Variants in ACAP2 observed in about 807,000 individuals in gnomAD.
ACAP2 encodes ArfGAP with coiled-coil, ankyrin repeat and PH domains 2.
Under a neutral mutation model 115.8 loss-of-function variants are expected in ACAP2, and 39 were observed. The observed-to-expected ratio is 0.34, with a 90% confidence interval of 0.26 to 0.44. ACAP2 has a LOEUF of 0.44. Ranked by LOEUF, ACAP2 falls within the 20% of genes least tolerant of loss-of-function variation. The probability of loss-of-function intolerance (pLI) is 1.00; values close to 1 mark genes in which losing one functional copy is unlikely to be tolerated. For missense variants in ACAP2, 662 were observed against 927.6 expected (o/e 0.71, Z 3.72); for synonymous variants, 289 against 315.8 (o/e 0.92, Z 0.90).
At chr3:195,306,019 C>T (rs113958621) in intron 13 of ACAP2, among the ~76,000 whole-genome samples, 233 of 152,056 alleles carry the variant, frequency 1.5e-3, no homozygotes, top group African/African-American at 5.4e-3. Context: ...TTCTCAGGAC[C>T]CATTTACTCA....
chr3:195,284,620 C>T (rs891352776), intron 22 of ACAP2, among the ~76,000 whole-genome samples: 2 of 152,094 alleles, frequency 1.3e-5, no homozygotes, highest in Non-Finnish European at 2.9e-5. Context: ...AAAGAACGGC[C>T]TCACATTAAC....
intron 22 of ACAP2, among the ~76,000 whole-genome samples, chr3:195,280,364 C>T (rs1007801938): frequency 1.3e-5 from 2 of 151,892 alleles, no homozygotes; most frequent in African/African-American, 4.8e-5. Flanking sequence ...CCCAGCTACT[C>T]GGGAGGCTGA....
intron 4 of ACAP2, among the ~76,000 whole-genome samples, chr3:195,365,556 G>A (rs960319542): frequency 6.6e-6 from 1 of 151,456 alleles, no homozygotes; most frequent in South Asian, 2.1e-4. Flanking sequence ...GACAAAGGGA[G>A]ACCTTGTCTC....
At chr3:195,387,517 T>C (rs936186411) in intron 2 of ACAP2, among the ~76,000 whole-genome samples, 48 of 152,118 alleles carry the variant, frequency 3.2e-4, no homozygotes, top group Non-Finnish European at 7.4e-5. Flanking sequence ...ACAAAACAAA[T>C]GAGGGTTTTT....
chr3:195,390,243 T>C (rs1244984547), intron 2 of ACAP2, among the ~76,000 whole-genome samples: 1 of 152,118 alleles, frequency 6.6e-6, no homozygotes, highest in Non-Finnish European at 1.5e-5. Flanking sequence ...CCTCTTCTAC[T>C]TTGTGATTTG....
At chr3:195,355,600 A>C (rs188036976) in intron 4 of ACAP2, among the ~76,000 whole-genome samples, 64 of 152,346 alleles carry the variant, frequency 4.2e-4, no homozygotes, top group African/African-American at 1.5e-3. Context: ...ACAAAAGTGC[A>C]TAGAATAATA....
chr3:195,362,788 G>T (rs1328350122), intron 4 of ACAP2, among the ~76,000 whole-genome samples: 3 of 151,996 alleles, frequency 2.0e-5, no homozygotes, highest in African/African-American at 7.3e-5. Context: ...CAAAAAACTG[G>T]GTATAGAAGA....
intron 4 of ACAP2, among the ~76,000 whole-genome samples, chr3:195,379,952 T>C (rs1733837451): frequency 6.6e-6 from 1 of 152,180 alleles, no homozygotes; most frequent in Non-Finnish European, 1.5e-5. Context: ...TCACACCTAC[T>C]AGGATGGTTA....
intron 9 of ACAP2, among the ~76,000 whole-genome samples, chr3:195,322,571 G>C (rs2108605718): frequency 6.6e-6 from 1 of 152,160 alleles, no homozygotes; most frequent in South Asian, 2.1e-4. Context: ...TAAACAAATT[G>C]CTACATTGCT....
At chr3:195,302,231 T>C in intron 13 of ACAP2, 57 bp from the exon 14 acceptor site, 1 of 1,476,416 alleles carries the variant, frequency 6.8e-7, no homozygotes, top group Non-Finnish European at 9.3e-7. Flanking sequence ...AATACTTTGT[T>C]GCACACTACA....
chr3:195,358,737 C>A (rs932163542), intron 4 of ACAP2, among the ~76,000 whole-genome samples: 2 of 151,650 alleles, frequency 1.3e-5, no homozygotes, highest in Non-Finnish European at 2.9e-5. Flanking sequence ...GCCTCAATAG[C>A]AAATCTAAGA....
At chr3:195,307,635 C>T (rs1251477527) in intron 11 of ACAP2, among the ~76,000 whole-genome samples, 1 of 152,076 alleles carries the variant, frequency 6.6e-6, no homozygotes, top group Non-Finnish European at 1.5e-5. Flanking sequence ...CTTTTATATT[C>T]ACTCTCCTGG....
At chr3:195,316,922 T>G (rs1434970633) in intron 10 of ACAP2, among the ~76,000 whole-genome samples, 1 of 83,888 alleles carries the variant, frequency 1.2e-5, no homozygotes, top group Non-Finnish European at 2.5e-5. Flanking sequence ...TTTTTTTTTT[T>G]GAGACAAGAG....
intron 1 of ACAP2, among the ~76,000 whole-genome samples, chr3:195,424,233 T>TGC (rs1714431789): frequency 8.7e-6 from 1 of 114,326 alleles, no homozygotes; most frequent in Non-Finnish European, 1.7e-5. Context: ...TATGTGTGTG[T>TGC]GTGTGTGTGT....
At chr3:195,415,328 G>A (rs1262785080) in intron 1 of ACAP2, among the ~76,000 whole-genome samples, 1 of 150,842 alleles carries the variant, frequency 6.6e-6, no homozygotes, top group Non-Finnish European at 1.5e-5. Context: ...TGCCAGGCTG[G>A]AAGTGCAGTG....
At chr3:195,349,437 C>T (rs1390083641) in intron 4 of ACAP2, among the ~76,000 whole-genome samples, 1 of 152,038 alleles carries the variant, frequency 6.6e-6, no homozygotes, top group East Asian at 1.9e-4. Flanking sequence ...ACCGAGATCA[C>T]GCCATTGCCC....
At chr3:195,387,514 A>C (rs1734383067) in intron 2 of ACAP2, among the ~76,000 whole-genome samples, 1 of 152,226 alleles carries the variant, frequency 6.6e-6, no homozygotes, top group East Asian at 1.9e-4. Flanking sequence ...TACACAAAAC[A>C]AATGAGGGTT....
Position 195,289,365 on chromosome 3 carries a change from G to C in ACAP2, c.2064-134C>G, listed in dbSNP as rs2108914533. 9 of 674,688 alleles carry C rather than the reference G, an allele frequency of 1.3e-5. No homozygotes were observed. The South Asian group carries it at 1.6e-4, about 12-fold the overall frequency. 41.8% of individuals were successfully genotyped at this position (674,688 alleles called of 1,614,324 possible). A position where few individuals can be genotyped will look rare whatever the true frequency, so the allele number is the denominator to read the frequency against. On this transcript the variant is annotated intron_variant, in intron 20 of 22. Transcript: ENST00000326793. ...TTGATTCATTCTACAAATATTAACT[G>C]AACACTAACTCTACTAACAAAAACT...
At chr3:195,388,089 T>C (rs1577397995) in intron 2 of ACAP2, among the ~76,000 whole-genome samples, 1 of 152,236 alleles carries the variant, frequency 6.6e-6, no homozygotes, top group African/African-American at 2.4e-5. Context: ...TATAATATTA[T>C]AACAGCTTAA....
Sources: allele counts gnomAD v4.1 joint callset (sites outside exome capture counted in the v4.1 genomes callset), GRCh38; gene constraint gnomAD v4.1.1; transcripts MANE v1.5; gene names NCBI Gene and HGNC (gene_info 2026-07-23, HGNC 2026-07-21).